FANCC: variants seen among roughly 807,000 people sequenced by gnomAD.
The protein encoded by FANCC is FA complementation group C, also known as Fanconi anemia group C protein.
A neutral mutation model predicts 71.3 loss-of-function variants in FANCC; 55 were observed. The ratio of observed to expected loss-of-function variants is 0.77; its 90% CI spans 0.62 to 0.97. The LOEUF (loss-of-function observed/expected upper bound fraction) is 0.97. Among genes scored for constraint, FANCC ranks in the 50% least tolerant of loss-of-function variants. FANCC has a pLI of 0.00. For missense variants in FANCC, 678 were observed against 670.9 expected, an observed-to-expected ratio of 1.01 and a Z score of -0.12; for synonymous variants, 275 against 244.9, an observed-to-expected ratio of 1.12 and a Z score of -1.15.
At chr9:95,309,659 G>A (rs1205108920) in intron 1 of FANCC, among the ~76,000 whole-genome samples, 1 of 152,122 alleles carries the variant, frequency 6.6e-6, no homozygotes, top group African/African-American at 2.4e-5. Context: ...ATATCACCTA[G>A]GATGCCTTTG....
At chr9:95,139,181 C>T (rs568788124) in intron 7 of FANCC, among the ~76,000 whole-genome samples, 2 of 152,122 alleles carry the variant, frequency 1.3e-5, no homozygotes, top group East Asian at 1.9e-4. Flanking sequence ...TGCAAATGGC[C>T]GATAAAAATG....
chr9:95,132,990 T>A (rs935264182), intron 8 of FANCC, among the ~76,000 whole-genome samples: 7 of 152,218 alleles, frequency 4.6e-5, no homozygotes, highest in Non-Finnish European at 8.8e-5. Context: ...AGAATCCAAC[T>A]CTAATGTAAT....
At chr9:95,113,626 AT>A (rs1177855659) in intron 12 of FANCC, 83 of 135,414 alleles carry the variant, frequency 6.1e-4, no homozygotes, top group East Asian at 6.7e-4. Context: ...AAAAAAAAAA[AT>A]TTTTTTTTTT....
intron 4 of FANCC, among the ~76,000 whole-genome samples, chr9:95,179,089 G>A (rs139249708): frequency 6.6e-6 from 1 of 152,152 alleles, no homozygotes; most frequent in Non-Finnish European, 1.5e-5. Context: ...TGCTTGGTTG[G>A]TTTATGCTCG....
chr9:95,245,783 G>A (rs1830927944), intron 3 of FANCC, among the ~76,000 whole-genome samples: 1 of 151,590 alleles, frequency 6.6e-6, no homozygotes, highest in South Asian at 2.1e-4. Context: ...TGTAATCCCA[G>A]CTACCTGGGA....
In FANCC at chr9:95,125,092, G is replaced by A. The variant is rs374915316; in HGVS notation, c.990C>T (p.Ser330=). The A allele has an allele frequency of 6.2e-7, 1 of 1,613,788 alleles. No homozygotes were observed. The highest frequency in any genetic ancestry group is 8.5e-7 in the Non-Finnish European group (1 of 1,179,654). ...QCFVEALEKA[S]KQLRFALKTY... Reference sequence around the variant, plus strand: ...TATATGTGATATAACAAACCTGCTTGCTTGCTTTCTCCAGAGCTTCTACAA... The same window carrying A: ...TATATGTGATATAACAAACCTGCTTACTTGCTTTCTCCAGAGCTTCTACAA... The change falls in exon 10 of 15, where the codon AGC becomes AGT. Residue 330 remains serine (S), a synonymous_variant. Coordinates refer to ENST00000289081, the MANE Select transcript of FANCC (RefSeq NM_000136.3).
At chr9:95,268,401 T>TA (rs1832521800) in intron 1 of FANCC, among the ~76,000 whole-genome samples, 1 of 152,254 alleles carries the variant, frequency 6.6e-6, no homozygotes. Flanking sequence ...AAGGGTCTGT[T>TA]GTCAGCTAAG....
intron 1 of FANCC, among the ~76,000 whole-genome samples, chr9:95,263,494 ATGTATGTG>A (rs1832185724): frequency 7.5e-6 from 1 of 132,940 alleles, no homozygotes; most frequent in African/African-American, 2.8e-5. Flanking sequence ...GTGTGTGTGT[ATGTATGTG>A]TATATATATA....
chr9:95,210,744 G>C (rs979727379), intron 4 of FANCC, among the ~76,000 whole-genome samples: 2 of 152,076 alleles, frequency 1.3e-5, no homozygotes, highest in African/African-American at 4.8e-5. Flanking sequence ...TCTCAATTTG[G>C]TTTAACTCCT....
At position 95,148,029 on chromosome 9, in the gene FANCC, A is replaced by G. The variant is rs181543293; in HGVS notation, c.686+1894T>C. Among the ~76,000 whole-genome samples the G allele has an allele frequency of 2.6e-5, 4 of 152,340 alleles. No individual in the cohort carries two copies. In the East Asian group the frequency reaches 7.7e-4, roughly 29 times the overall value. Reference sequence around the variant, plus strand: ...GTGTTGACATTTGCACTGATAGCGCAAAAGCAACAGTGGGTAACACAGCTG... The same window carrying G: ...GTGTTGACATTTGCACTGATAGCGCGAAAGCAACAGTGGGTAACACAGCTG... On this transcript the variant is annotated intron_variant, in intron 7 of 14. Coordinates refer to ENST00000289081, the MANE Select transcript of FANCC (RefSeq NM_000136.3).
At chr9:95,297,018 T>C (rs1472894238) in intron 1 of FANCC, among the ~76,000 whole-genome samples, 2 of 151,918 alleles carry the variant, frequency 1.3e-5, no homozygotes, top group African/African-American at 4.8e-5. Flanking sequence ...AACTGCAGAG[T>C]GAGAAGTGTT....
At chr9:95,202,145 A>G (rs1827846404) in intron 4 of FANCC, among the ~76,000 whole-genome samples, 1 of 152,240 alleles carries the variant, frequency 6.6e-6, no homozygotes, top group Non-Finnish European at 1.5e-5. Flanking sequence ...AAACTGCTGT[A>G]TTAAGCTCGG....
At chr9:95,294,508 C>G in intron 1 of FANCC, 1 of 1,572,724 alleles carries the variant, frequency 6.4e-7, no homozygotes, top group Non-Finnish European at 8.8e-7. Context: ...GGGAAGTATT[C>G]TGAAACACTC....
chr9:95,305,483 C>A (rs1053795302), intron 1 of FANCC, among the ~76,000 whole-genome samples: 2 of 152,284 alleles, frequency 1.3e-5, no homozygotes, highest in Admixed American at 1.3e-4. Context: ...TGCTTCAAAT[C>A]ACTTTAGAAT....
At position 95,100,231 on chromosome 9, in the gene FANCC, C is replaced by T. The variant is rs949189999; in HGVS notation, c.*1476G>A. ...TATATGAAGGCAATGACCATGAGCA[C>T]GAAGCATGTTATATGAAGGCAATGA... On this transcript the variant is annotated 3_prime_UTR_variant, in exon 15 of 15. Transcript: ENST00000289081. 6 of 232,722 alleles carry T rather than the reference C, an allele frequency of 2.6e-5. No individual in the cohort carries two copies. The highest frequency in any genetic ancestry group is 1.8e-4 in the South Asian group (1 of 5,530). 14.4% of individuals were successfully genotyped at this position (232,722 alleles called of 1,614,324 possible). A position where few individuals can be genotyped will look rare whatever the true frequency, so the allele number is the denominator to read the frequency against.
At chr9:95,160,328 G>T (rs576405865) in intron 6 of FANCC, among the ~76,000 whole-genome samples, 79 of 152,166 alleles carry the variant, frequency 5.2e-4, no homozygotes, top group African/African-American at 1.9e-3. Context: ...GTCAAAGATT[G>T]GATGGCTGTA....
chr9:95,293,313 A>T lies in FANCC; in HGVS notation c.-79+24213T>A, dbSNP rs1017022294. 1.1e-4 allele frequency: 173 copies of T among 1,612,378 alleles called. 1 individual carries two copies. Among genetic ancestry groups the T allele is most frequent in the Middle Eastern group, 1.7e-4 (1 of 5,870 alleles). The stretch of plus-strand genomic sequence containing the variant: ...GTGCCTACAGCCGACTCCTCAGCCC[A>T]GCCTGTGGTGTTAGGTGTTGATCAG... On this transcript the variant is annotated intron_variant, in intron 1 of 14. Coordinates refer to ENST00000289081, the MANE Select transcript of FANCC (RefSeq NM_000136.3).
intron 4 of FANCC, among the ~76,000 whole-genome samples, chr9:95,233,111 T>C (rs976466232): frequency 2.6e-5 from 4 of 151,796 alleles, no homozygotes; most frequent in South Asian, 2.1e-4. Flanking sequence ...CAGGGTACTA[T>C]TAAGAAGGCG....
chr9:95,279,404 C>T (rs1231179425), intron 1 of FANCC, among the ~76,000 whole-genome samples: 1 of 149,938 alleles, frequency 6.7e-6, no homozygotes, highest in African/African-American at 2.5e-5. Flanking sequence ...TCATGGGCAG[C>T]AAAGGAAGGA....
Sources: allele counts gnomAD v4.1 joint callset (sites outside exome capture counted in the v4.1 genomes callset), GRCh38; gene constraint gnomAD v4.1.1; transcripts MANE v1.5; gene names NCBI Gene and HGNC (gene_info 2026-07-23, HGNC 2026-07-21).